Variants in DSCAML1 observed in about 807,000 individuals in gnomAD.
DSCAML1 encodes the protein DS cell adhesion molecule like 1.
DSCAML1 carries 38 observed loss-of-function variants against 200.5 expected under a neutral mutation model. The ratio of observed to expected loss-of-function variants is 0.19; its 90% CI spans 0.15 to 0.25. The LOEUF (loss-of-function observed/expected upper bound fraction) is 0.25, where lower values mean the gene tolerates loss of function less well. Among genes scored for constraint, DSCAML1 ranks in the 10% least tolerant of loss-of-function variants. DSCAML1 has a pLI of 1.00. For synonymous variants in DSCAML1, 1,215 were observed against 1,165.0 expected (o/e 1.04, Z -0.87); for missense variants, 2,223 against 2,858.8 (o/e 0.78, Z 5.07).
rs1264446907 is a variant in DSCAML1, at chr11:117,505,135, G to A, written c.2063-92C>T. The A allele has an allele frequency of 6.6e-7, 1 of 1,514,582 alleles. No homozygotes were observed. Among genetic ancestry groups the A allele is most frequent in the Admixed American group, 2.0e-5 (1 of 49,510 alleles). 93.8% of individuals were successfully genotyped at this position (1,514,582 alleles called of 1,614,324 possible). ...GCACCTTCTGTTTGAGGTCAGCCCT[G>A]CCCGGGCCATTATAAAGTTGGAAGC... On this transcript the variant is annotated intron_variant, in intron 9 of 32. Coordinates refer to ENST00000651296, the MANE Select transcript of DSCAML1 (RefSeq NM_020693.4). This position sits in a 1 kb window ranked among gnomAD's most constrained non-coding sequence, Gnocchi z 6.7.
At position 117,780,219 on chromosome 11, in the gene DSCAML1, G is replaced by A. The variant is rs1278967940; in HGVS notation, c.364+274C>T. ...AGAAAGAGAAAGAAAGAGAGAGAGA[G>A]AAAGAAAGAAAGGAAAGAAAGAAAG... On this transcript the variant is annotated intron_variant, in intron 2 of 32. Coordinates refer to ENST00000651296, the MANE Select transcript of DSCAML1 (RefSeq NM_020693.4). The surrounding 1 kb of genome is among the most constrained non-coding windows in gnomAD (Gnocchi z 4.8). 1.5e-5 allele frequency among the ~76,000 whole-genome samples: 1 copy of A among 66,464 alleles called. No individual in the cohort carries two copies. Among genetic ancestry groups the A allele is most frequent in the East Asian group, 3.9e-4 (1 of 2,596 alleles). 43.6% of individuals were successfully genotyped at this position (66,464 alleles called of 152,430 possible). A position where few individuals can be genotyped will look rare whatever the true frequency, so the allele number is the denominator to read the frequency against.
chr11:117,816,646 T>C (rs1295690956), intron 1 of DSCAML1, among the ~76,000 whole-genome samples: 4 of 152,094 alleles, frequency 2.6e-5, no homozygotes, highest in Non-Finnish European at 4.4e-5. Context: ...CCCTGGGCCT[T>C]TCTTCAGCAC....
At chr11:117,582,471 A>G (rs1341708138) in intron 3 of DSCAML1, among the ~76,000 whole-genome samples, 5 of 152,232 alleles carry the variant, frequency 3.3e-5, no homozygotes, top group Non-Finnish European at 5.9e-5. Context: ...CACAGTATCA[A>G]TAATTGTCAA....
At chr11:117,532,818 G>A in intron 3 of DSCAML1, among the ~76,000 whole-genome samples, 1 of 152,122 alleles carries the variant, frequency 6.6e-6, no homozygotes, top group Non-Finnish European at 1.5e-5. Context: ...AAATAATTGG[G>A]TGGGTGTACA....
At chr11:117,722,284 G>A (rs2054052864) in intron 3 of DSCAML1, among the ~76,000 whole-genome samples, 1 of 149,848 alleles carries the variant, frequency 6.7e-6, no homozygotes, top group South Asian at 2.1e-4. Flanking sequence ...AATACCACAT[G>A]CTCTCACTCA....
intron 5 of DSCAML1, among the ~76,000 whole-genome samples, chr11:117,522,356 G>A (rs879370354): frequency 3.3e-5 from 5 of 152,158 alleles, no homozygotes; most frequent in African/African-American, 1.2e-4. Context: ...TGGACTGTGG[G>A]CCACTTGAGA....
At chr11:117,598,942 C>G (rs1009780490) in intron 3 of DSCAML1, among the ~76,000 whole-genome samples, 1 of 152,106 alleles carries the variant, frequency 6.6e-6, no homozygotes, top group Admixed American at 6.5e-5. Context: ...GATAAATGCA[C>G]TAAAAATTTA....
Position 117,585,699 on chromosome 11 carries a change from C to T in DSCAML1, c.512-53177G>A, listed in dbSNP as rs577294309. On this transcript the variant is annotated intron_variant, in intron 3 of 32. Coordinates refer to ENST00000651296, the MANE Select transcript of DSCAML1 (RefSeq NM_020693.4). ...TGGAACCCCTGTTGATCCTCACTCACTGCAATGCAGGATGTAGCTGGCTGA... is the reference window on the plus strand; with the variant it reads ...TGGAACCCCTGTTGATCCTCACTCATTGCAATGCAGGATGTAGCTGGCTGA... Among the ~76,000 whole-genome samples, 6 of 152,330 alleles carry T rather than the reference C, an allele frequency of 3.9e-5. No homozygotes were observed. The South Asian group carries it at 1.2e-3, about 32-fold the overall frequency.
chr11:117,474,269 C>T (rs1274891478), intron 14 of DSCAML1, among the ~76,000 whole-genome samples: 1 of 152,136 alleles, frequency 6.6e-6, no homozygotes, highest in African/African-American at 2.4e-5. Context: ...GACCTCTCTC[C>T]CTTCTTCAGG....
chr11:117,708,555 A>T (rs670972), intron 3 of DSCAML1, among the ~76,000 whole-genome samples: 2 of 152,156 alleles, frequency 1.3e-5, no homozygotes, highest in East Asian at 1.9e-4. Flanking sequence ...CATTAAACAC[A>T]CAGTACTTGG....
Position 117,505,207 on chromosome 11 carries a change from G to A in DSCAML1, c.2063-164C>T, listed in dbSNP as rs1168030485. Among the ~76,000 whole-genome samples, 1 of 152,156 alleles carries A rather than the reference G, an allele frequency of 6.6e-6. No homozygotes were observed. The highest frequency in any genetic ancestry group is 1.5e-5 in the Non-Finnish European group (1 of 68,026). On this transcript the variant is annotated intron_variant, in intron 9 of 32. Transcript: ENST00000651296. This position sits in a 1 kb window ranked among gnomAD's most constrained non-coding sequence, Gnocchi z 6.7. ...ATGCTGAGAACTTTTGTTGAGTACT[G>A]GGTAGGGACTTGGGAGCTCTGAGTT...
At chr11:117,470,346 C>A (rs567235236) in intron 15 of DSCAML1, among the ~76,000 whole-genome samples, 1 of 152,132 alleles carries the variant, frequency 6.6e-6, no homozygotes, top group Non-Finnish European at 1.5e-5. Context: ...GAGGCCAAGG[C>A]GGGCGGATCA....
At chr11:117,488,870 C>T (rs901816519) in intron 11 of DSCAML1, among the ~76,000 whole-genome samples, 4 of 152,238 alleles carry the variant, frequency 2.6e-5, no homozygotes, top group Admixed American at 2.6e-4. Flanking sequence ...GAGGTAGGCA[C>T]TGTTATTATG....
intron 3 of DSCAML1, among the ~76,000 whole-genome samples, chr11:117,669,265 G>A (rs2137665723): frequency 6.6e-6 from 1 of 152,318 alleles, no homozygotes; most frequent in African/African-American, 2.4e-5. Flanking sequence ...AATGGGCCTG[G>A]CAGCACTGGC....
intron 3 of DSCAML1, among the ~76,000 whole-genome samples, chr11:117,620,321 C>T (rs1176182652): frequency 6.6e-6 from 1 of 152,152 alleles, no homozygotes; most frequent in Non-Finnish European, 1.5e-5. Context: ...GTTCTCTTTA[C>T]CCTACCAGTA....
chr11:117,490,628 T>C (rs2049165330), intron 11 of DSCAML1, among the ~76,000 whole-genome samples: 1 of 152,216 alleles, frequency 6.6e-6, no homozygotes, highest in African/African-American at 2.4e-5. Flanking sequence ...GGAGGTGGCC[T>C]GGCTCTATTA....
intron 1 of DSCAML1, among the ~76,000 whole-genome samples, chr11:117,809,298 G>A (rs976544455): frequency 1.3e-5 from 2 of 152,252 alleles, no homozygotes; most frequent in African/African-American, 4.8e-5. Flanking sequence ...AAAGTGCAGT[G>A]TGGGAAGGGT....
intron 5 of DSCAML1, among the ~76,000 whole-genome samples, chr11:117,523,252 T>G (rs2049913706): frequency 6.6e-6 from 1 of 152,096 alleles, no homozygotes; most frequent in Admixed American, 6.5e-5. Context: ...TTTGAGGGTG[T>G]GTTGCCCTTC....
chr11:117,440,453 A>G (rs7943989), intron 21 of DSCAML1, among the ~76,000 whole-genome samples: 53,497 of 151,882 alleles, frequency 0.35, 10,845 homozygotes, highest in East Asian at 0.63. Flanking sequence ...CACTAAGCAC[A>G]GACATGGAGA....
Sources: allele counts gnomAD v4.1 joint callset (sites outside exome capture counted in the v4.1 genomes callset), GRCh38; gene constraint gnomAD v4.1.1; non-coding constraint Gnocchi (gnomAD v3.1); transcripts MANE v1.5; gene names NCBI Gene and HGNC (gene_info 2026-07-23, HGNC 2026-07-21).